The following ANKRD13D variants were observed in gnomAD, a reference collection of about 807,000 sequenced individuals.
ANKRD13D encodes the protein ankyrin repeat domain-containing protein 13D.
A neutral mutation model predicts 68.8 loss-of-function variants in ANKRD13D; 24 were observed. The observed-to-expected ratio is 0.35, with a 90% CI of 0.25 to 0.49. The LOEUF is 0.49. Among genes scored for constraint, ANKRD13D ranks in the 20% least tolerant of loss-of-function variants. The pLI is 0.99. For missense variants in ANKRD13D, 735 were observed against 832.1 expected (o/e 0.88, Z 1.44); for synonymous variants, 331 against 336.1 (o/e 0.98, Z 0.16).
rs1860549781 is a variant in ANKRD13D at position 67,291,583 on chromosome 11, G to A, written c.398-20G>A. ...TGGGGCCTTTGGAAAGACCCCCAGTGACCCCTGTGCACCCTGCAGTGCCCC... is the reference window on the plus strand; with the variant it reads ...TGGGGCCTTTGGAAAGACCCCCAGTAACCCCTGTGCACCCTGCAGTGCCCC... On this transcript the variant is annotated intron_variant, in intron 4 of 14. Transcript: ENST00000511455. 1 of 1,613,896 alleles carries A rather than the reference G, an allele frequency of 6.2e-7. No individual in the cohort carries two copies.
chr11:67,291,237 G>A (rs1860527078), intron 3 of ANKRD13D: 1 of 522,206 alleles, frequency 1.9e-6, no homozygotes, highest in Non-Finnish European at 3.4e-6. Flanking sequence ...CACACCTGTG[G>A]TCCCAGCTAC....
rs746872366 is a variant in ANKRD13D, at chr11:67,299,026, G to A, written c.732-32G>A. ...GCTTTGGCCAGCGTGTGAGGGTGCA[G>A]GTCTCACCAGCTCCTGTTTGGTCTG... is the stretch of plus-strand genomic sequence containing the variant. On this transcript the variant is annotated intron_variant, in intron 6 of 14. Coordinates refer to ENST00000511455, the MANE Select transcript of ANKRD13D (RefSeq NM_207354.3). This position sits in a 1 kb window ranked among gnomAD's most constrained non-coding sequence, Gnocchi z 6.2. 2.9e-4 allele frequency: 467 copies of A among 1,612,216 alleles called. No homozygotes were observed. Among genetic ancestry groups the A allele is most frequent in the Admixed American group, 1.2e-3 (72 of 60,020 alleles).
chr11:67,299,479 T>G lies in ANKRD13D; in HGVS notation c.799-51T>G. On this transcript the variant is annotated intron_variant, in intron 7 of 14. Transcript: ENST00000511455. This position sits in a 1 kb window ranked among gnomAD's most constrained non-coding sequence, Gnocchi z 6.2. ...TGGGTTCTGCACTGGTGAGGCTGAGTGTGGGGAGCAGGCTCTGAGCCCCCA... is the reference window on the plus strand; with the variant it reads ...TGGGTTCTGCACTGGTGAGGCTGAGGGTGGGGAGCAGGCTCTGAGCCCCCA... 6.9e-7 allele frequency: 1 copy of G among 1,449,762 alleles called. No homozygotes were observed. Among genetic ancestry groups the G allele is most frequent in the Non-Finnish European group, 9.5e-7 (1 of 1,057,754 alleles). The allele number at this position is 1,449,762 out of a possible 1,614,324, so 89.8% of individuals were successfully genotyped here.
chr11:67,299,898 G>C lies in ANKRD13D; in HGVS notation c.942+10G>C, dbSNP rs1351691841. The C allele has an allele frequency of 1.3e-6, 2 of 1,551,986 alleles. No homozygotes were observed. The highest frequency in any genetic ancestry group is 3.8e-5 in the Admixed American group (2 of 52,764). On this transcript the variant is annotated intron_variant, in intron 9 of 14. Transcript: ENST00000511455. This position sits in a 1 kb window ranked among gnomAD's most constrained non-coding sequence, Gnocchi z 6.2. Reference sequence around the variant, plus strand: ...TTCCTCCCACACCGGGGTGAGCCGGGGCTGGGCCGAGACAGGGCTGGCGGG... The same window carrying C: ...TTCCTCCCACACCGGGGTGAGCCGGCGCTGGGCCGAGACAGGGCTGGCGGG...
At chr11:67,291,834 C>A in intron 5 of ANKRD13D, 88 bp downstream of exon 5, 13 of 1,548,646 alleles carry the variant, frequency 8.4e-6, no homozygotes, top group African/African-American at 2.7e-5. Flanking sequence ...TCTCCACTTT[C>A]CAGATGTGGA....
intron 5 of ANKRD13D, 85 bp from the exon 6 acceptor site, chr11:67,291,906 G>A: frequency 6.6e-7 from 1 of 1,512,584 alleles, no homozygotes; most frequent in Non-Finnish European, 8.8e-7. Flanking sequence ...GCAGCAGGTG[G>A]CTGAGGGTAC....
chr11:67,292,393 A>G (rs1249809250), intron 6 of ANKRD13D, among the ~76,000 whole-genome samples: 3 of 152,154 alleles, frequency 2.0e-5, no homozygotes, highest in African/African-American at 7.2e-5. Flanking sequence ...GGGAGGGGTC[A>G]GGTCAAGATG....
At chr11:67,289,725 T>TG (rs927338216) in intron 1 of ANKRD13D, 175 bp downstream of exon 1, 1 of 1,373,548 alleles carries the variant, frequency 7.3e-7, no homozygotes, top group Non-Finnish European at 9.5e-7. Flanking sequence ...CCTGAGCCTC[T>TG]GGCCTCCTCT....
At chr11:67,289,810 C>G in intron 1 of ANKRD13D, 17 of 1,425,598 alleles carry the variant, frequency 1.2e-5, no homozygotes, top group African/African-American at 1.4e-5. Flanking sequence ...AGAACAAGAA[C>G]TCTGGTCCTG....
chr11:67,300,367 G>C lies in ANKRD13D; in HGVS notation c.1073+244G>C. The C allele has an allele frequency of 1.9e-6, 1 of 534,376 alleles. No homozygotes were observed. Among genetic ancestry groups the C allele is most frequent in the Non-Finnish European group, 3.2e-6 (1 of 309,558 alleles). 33.1% of individuals were successfully genotyped at this position (534,376 alleles called of 1,614,324 possible). A position where few individuals can be genotyped will look rare whatever the true frequency, so the allele number is the denominator to read the frequency against. ...TGCCACCCATGTATGGTTTTCTATT[G>C]AATTTCATGAGTACCTGCTGGGGCC... is the stretch of plus-strand genomic sequence containing the variant. On this transcript the variant is annotated intron_variant, in intron 10 of 14. Transcript: ENST00000511455. This position sits in a 1 kb window ranked among gnomAD's most constrained non-coding sequence, Gnocchi z 4.3.
chr11:67,301,499 C>T lies in ANKRD13D; in HGVS notation c.1360C>T (p.Pro454Ser), dbSNP rs267603134. The T allele has an allele frequency of 6.2e-7, 1 of 1,612,662 alleles. No homozygotes were observed. The highest frequency in any genetic ancestry group is 8.5e-7 in the Non-Finnish European group (1 of 1,179,616). ...SAVAASGNPF[P>S]CEVDPTVFEV... ...TGCCACCTGCCTAGGGAACCCTTTCCCGTGCGAGGTGGACCCCACCGTGTT... is the reference window on the plus strand; with the variant it reads ...TGCCACCTGCCTAGGGAACCCTTTCTCGTGCGAGGTGGACCCCACCGTGTT... The change falls in exon 13 of 15, where the codon CCG becomes TCG. Residue 454 changes from proline to serine, a missense_variant. Transcript: ENST00000511455. The surrounding 1 kb of genome is among the most constrained non-coding windows in gnomAD (Gnocchi z 4.5).
In ANKRD13D at chr11:67,299,042, G is replaced by A. The variant is rs201571514; in HGVS notation, c.732-16G>A. On this transcript the variant is annotated splice_polypyrimidine_tract_variant and intron_variant, in intron 6 of 14. Coordinates refer to ENST00000511455, the MANE Select transcript of ANKRD13D (RefSeq NM_207354.3). This position sits in a 1 kb window ranked among gnomAD's most constrained non-coding sequence, Gnocchi z 6.2. ...GAGGGTGCAGGTCTCACCAGCTCCT[G>A]TTTGGTCTGTTTCAGGAACAAATGT... 6.4e-5 allele frequency: 102 copies of A among 1,601,278 alleles called. No homozygotes were observed. Among genetic ancestry groups the A allele is most frequent in the Non-Finnish European group, 7.9e-5 (93 of 1,172,376 alleles).
At chr11:67,294,635 G>C (rs1461511810) in intron 6 of ANKRD13D, among the ~76,000 whole-genome samples, 1 of 151,516 alleles carries the variant, frequency 6.6e-6, no homozygotes, top group African/African-American at 2.4e-5. Context: ...CCACCTCCTG[G>C]GTTCAAGCAG....
At position 67,301,372 on chromosome 11, in the gene ANKRD13D, C is replaced by T. The variant is rs752232115; in HGVS notation, c.1322C>T (p.Ala441Val). Residue 441 changes from alanine to valine, a missense_variant, in exon 12 of 15, where the codon GCC (alanine) becomes GTC (valine). Physicochemically the swap from Ala to Val is moderately conservative, Grantham distance 64. Transcript: ENST00000511455. The surrounding 1 kb of genome is among the most constrained non-coding windows in gnomAD (Gnocchi z 4.5). ...CCCCTGAGCTCCGTGTGGGTGCCGG[C>T]CCCCAGCTCTGCTGTTGCCGCATCA... ...DEPLSSVWVP[A>V]PSSAVAASGN... 7.4e-6 allele frequency: 12 copies of T among 1,612,830 alleles called. No individual in the cohort carries two copies. The African/African-American group carries it at 1.5e-4, about 20-fold the overall frequency.
At chr11:67,292,980 C>T (rs10896166) in intron 6 of ANKRD13D, among the ~76,000 whole-genome samples, 138,906 of 152,254 alleles carry the variant, frequency 0.91, 63,697 homozygotes, top group South Asian at 0.96. Context: ...AGTTGTAGCA[C>T]GTAACTATTT....
intron 6 of ANKRD13D, among the ~76,000 whole-genome samples, chr11:67,294,026 C>T (rs181866480): frequency 7.9e-5 from 12 of 152,294 alleles, no homozygotes; most frequent in African/African-American, 2.9e-4. Context: ...TCACCCTTGT[C>T]GAAAATCAGT....
chr11:67,300,122 A>G lies in ANKRD13D; in HGVS notation c.1072A>G (p.Arg358Gly), dbSNP rs1341510936. The change falls in exon 10 of 15, where the codon AGG (arginine) becomes GGG (glycine). Residue 358 changes from arginine (R) to glycine (G), a missense_variant and splice_region_variant. Physicochemically the swap from Arg to Gly is moderately radical, Grantham distance 125 (BLOSUM62 -2). Transcript: ENST00000511455. The surrounding 1 kb of genome is among the most constrained non-coding windows in gnomAD (Gnocchi z 4.3). ...CATCGAGATGTCCAGCAAAGTACAG[A>G]GGTGAGGTCTGAGAGCTGGCTGGGG... is the stretch of plus-strand genomic sequence containing the variant. ...RPIEMSSKVQ[R>G]FKATLWLSEE... The G allele has an allele frequency of 6.2e-7, 1 of 1,613,772 alleles. No homozygotes were observed. Among genetic ancestry groups the G allele is most frequent in the African/African-American group, 1.3e-5 (1 of 74,890 alleles).
chr11:67,299,921 G>C lies in ANKRD13D; in HGVS notation c.942+33G>C, dbSNP rs374938874. The C allele has an allele frequency of 6.4e-7, 1 of 1,561,206 alleles. No individual in the cohort carries two copies. The highest frequency in any genetic ancestry group is 1.8e-5 in the Admixed American group (1 of 55,050). ...GGGGCTGGGCCGAGACAGGGCTGGC[G>C]GGGGGCCGAGCCTGGGCGGGAGGGC... On this transcript the variant is annotated intron_variant, in intron 9 of 14. Coordinates refer to ENST00000511455, the MANE Select transcript of ANKRD13D (RefSeq NM_207354.3). The surrounding 1 kb of genome is among the most constrained non-coding windows in gnomAD (Gnocchi z 6.2).
intron 3 of ANKRD13D, 130 bp from the exon 4 acceptor site, chr11:67,291,346 A>T: frequency 1.0e-6 from 1 of 968,758 alleles, no homozygotes; most frequent in Non-Finnish European, 1.5e-6. Flanking sequence ...TGACAGAGCA[A>T]GTCTCAAAAA....
Sources: allele counts gnomAD v4.1 joint callset (sites outside exome capture counted in the v4.1 genomes callset), GRCh38; gene constraint gnomAD v4.1.1; non-coding constraint Gnocchi (gnomAD v3.1); transcripts MANE v1.5; gene names NCBI Gene and HGNC (gene_info 2026-07-23, HGNC 2026-07-21).